The following TAF2 variants were observed in gnomAD, a reference collection of about 807,000 sequenced individuals.
TAF2 encodes transcription initiation factor TFIID subunit 2.
In TAF2, 61 loss-of-function variants were observed where a neutral mutation model predicts 138.5. That is an observed-to-expected ratio of 0.44 (90% CI 0.36 to 0.54). TAF2 has a LOEUF of 0.54. TAF2 is among the 20% of genes least tolerant of loss of function. The pLI is 0.00. For synonymous variants in TAF2, 475 were observed against 469.9 expected (o/e 1.01, Z -0.14); for missense variants, 1,090 against 1,427.9 (o/e 0.76, Z 3.81).
At chr8:119,789,240 A>G (rs1293420483) in intron 12 of TAF2, among the ~76,000 whole-genome samples, 2 of 152,146 alleles carry the variant, frequency 1.3e-5, no homozygotes, top group Non-Finnish European at 2.9e-5. Context: ...TCACATCCAC[A>G]AGTCACTAAA....
chr8:119,752,418 G>A (rs193145362), intron 22 of TAF2, among the ~76,000 whole-genome samples: 3 of 152,164 alleles, frequency 2.0e-5, no homozygotes, highest in African/African-American at 4.8e-5. Flanking sequence ...AGACCAGGCA[G>A]CCCTGAGATC....
At chr8:119,753,140 C>G (rs1563830284) in intron 22 of TAF2, among the ~76,000 whole-genome samples, 1 of 152,142 alleles carries the variant, frequency 6.6e-6, no homozygotes, top group African/African-American at 2.4e-5. Flanking sequence ...TTTCTTTCAA[C>G]TATAACTATA....
Position 119,766,356 on chromosome 8 carries a change from G to C in TAF2, c.2365-3748C>G, listed in dbSNP as rs115177204. Among the ~76,000 whole-genome samples the C allele has an allele frequency of 9.2e-3, 1,396 of 152,226 alleles. 20 individuals are homozygous for C. Among genetic ancestry groups the C allele is most frequent in the African/African-American group, 0.032 (1,331 of 41,526 alleles). On this transcript the variant is annotated intron_variant, in intron 18 of 25. Transcript: ENST00000378164. ...CTGCTAAACATGCTGCTGTGTACAG[G>C]ACAGCCCCACAACAAAGAATTATCC... is the stretch of plus-strand genomic sequence containing the variant.
At chr8:119,742,039 A>T (rs1395194964) in intron 25 of TAF2, among the ~76,000 whole-genome samples, 3 of 152,238 alleles carry the variant, frequency 2.0e-5, no homozygotes, top group African/African-American at 7.2e-5. Context: ...GAAATGATAT[A>T]AGAGAATATA....
intron 22 of TAF2, among the ~76,000 whole-genome samples, chr8:119,752,078 A>G (rs1445323582): frequency 6.6e-6 from 1 of 152,152 alleles, no homozygotes; most frequent in African/African-American, 2.4e-5. Flanking sequence ...ATATAAATAT[A>G]ATATAAAGAA....
Position 119,830,721 on chromosome 8 carries a change from A to C in TAF2, c.138+956T>G, listed in dbSNP as rs11993773. On this transcript the variant is annotated intron_variant, in intron 2 of 25. Transcript: ENST00000378164. ...TACATGGGTAACAAATCTGACAGAGAAGTTGATACCATCACTCAAGGAAAA... is the reference window on the plus strand; with the variant it reads ...TACATGGGTAACAAATCTGACAGAGCAGTTGATACCATCACTCAAGGAAAA... Among the ~76,000 whole-genome samples, 357 of 152,360 alleles carry C rather than the reference A, an allele frequency of 2.3e-3. 1 individual carries two copies. Among genetic ancestry groups the C allele is most frequent in the Middle Eastern group, 0.014 (4 of 294 alleles).
intron 25 of TAF2, among the ~76,000 whole-genome samples, chr8:119,738,708 G>T (rs1166436471): frequency 6.6e-6 from 1 of 152,118 alleles, no homozygotes; most frequent in African/African-American, 2.4e-5. Context: ...ATAGAAAGAG[G>T]TACTTAATGT....
intron 2 of TAF2, among the ~76,000 whole-genome samples, chr8:119,826,909 T>G (rs928114757): frequency 1.3e-5 from 2 of 152,166 alleles, no homozygotes; most frequent in African/African-American, 4.8e-5. Flanking sequence ...GATATGTTTT[T>G]CAGCCAGGTG....
At position 119,758,077 on chromosome 8, in the gene TAF2, C is replaced by T; in HGVS notation, c.2764G>A (p.Val922Ile). The change falls in exon 21 of 26, where the codon GTA (valine) becomes ATA (isoleucine). Residue 922 changes from valine to isoleucine, a missense_variant. Physicochemically the swap from Val to Ile is conservative, Grantham distance 29. This residue lies in a region of TAF2 where 580 missense variants were observed against 719.6 expected (regional missense o/e 0.81). Coordinates refer to ENST00000378164, the MANE Select transcript of TAF2 (RefSeq NM_003184.4). ...CATCATAGCACATAAACTAACCTTA[C>T]ATAGGGTACAGGGTCATTCTGAATC... ...NMIQNDPVPY[V>I]RHKILNMLTK... The T allele has an allele frequency of 6.2e-7, 1 of 1,612,978 alleles. No homozygotes were observed. Among genetic ancestry groups the T allele is most frequent in the South Asian group, 1.1e-5 (1 of 91,062 alleles).
intron 25 of TAF2, 66 bp from the exon 26 acceptor site, chr8:119,732,252 G>T: frequency 1.4e-6 from 2 of 1,459,444 alleles, no homozygotes; most frequent in Non-Finnish European, 1.9e-6. Context: ...TAAAGAAAGA[G>T]GAAGCTGATG....
At chr8:119,752,464 A>G (rs1308672600) in intron 22 of TAF2, among the ~76,000 whole-genome samples, 1 of 152,104 alleles carries the variant, frequency 6.6e-6, no homozygotes, top group Non-Finnish European at 1.5e-5. Context: ...CCTCTGGGAT[A>G]TGGTCACTAA....
intron 21 of TAF2, 110 bp downstream of exon 21, chr8:119,757,963 T>C: frequency 1.1e-6 from 1 of 887,562 alleles, no homozygotes; most frequent in South Asian, 1.4e-5. Flanking sequence ...ATGCAAAAGA[T>C]ATTCCCATAT....
At chr8:119,805,472 A>G (rs1272742384) in intron 4 of TAF2, among the ~76,000 whole-genome samples, 5 of 152,064 alleles carry the variant, frequency 3.3e-5, no homozygotes, top group Non-Finnish European at 7.4e-5. Flanking sequence ...TTGGGAGGCC[A>G]AGGAGGGTGG....
chr8:119,743,003 A>G (rs1220356082), intron 24 of TAF2, among the ~76,000 whole-genome samples: 1 of 152,058 alleles, frequency 6.6e-6, no homozygotes, highest in Non-Finnish European at 1.5e-5. Context: ...CGGGAGGCAA[A>G]GGCTGCAGTT....
Position 119,797,036 on chromosome 8 carries a change from A to T in TAF2, c.1045T>A (p.Ser349Thr). 1 of 1,613,422 alleles carries T rather than the reference A, an allele frequency of 6.2e-7. No homozygotes were observed. Among genetic ancestry groups the T allele is most frequent in the Non-Finnish European group, 8.5e-7 (1 of 1,179,566 alleles). ...TPLTRRCLAQ[S>T]LAQQFFGCFI... ...CAACCAAAAAACTGCTGGGCCAAGG[A>T]TTGGGCTAAACACCTTCTAGTCAAA... is the stretch of plus-strand genomic sequence containing the variant. Residue 349 changes from serine (S) to threonine (T), a missense_variant, in exon 8 of 26, where the codon TCC (serine) becomes ACC (threonine). Physicochemically the swap from Ser to Thr is moderately conservative, Grantham distance 58. Around this residue, in one of 3 missense-constraint regions of TAF2, gnomAD observed 504 missense variants for 680.9 expected, o/e 0.74. Transcript: ENST00000378164.
chr8:119,758,313 T>G (rs573066312), intron 20 of TAF2, among the ~76,000 whole-genome samples, 171 bp from the exon 21 acceptor site: 2 of 152,176 alleles, frequency 1.3e-5, no homozygotes, highest in Non-Finnish European at 2.9e-5. Flanking sequence ...ATGGCCACTT[T>G]GTAACTTTTA....
chr8:119,741,594 C>T (rs1455445155), intron 25 of TAF2, among the ~76,000 whole-genome samples: 2 of 152,184 alleles, frequency 1.3e-5, no homozygotes, highest in East Asian at 1.9e-4. Context: ...GGGGTCTCAA[C>T]ATCAAAACAG....
chr8:119,815,319 G>A (rs776486671), intron 3 of TAF2, among the ~76,000 whole-genome samples: 43 of 151,318 alleles, frequency 2.8e-4, no homozygotes, highest in Non-Finnish European at 4.6e-4. Context: ...CTGTCGCCCA[G>A]GCTGGAGGGC....
intron 25 of TAF2, among the ~76,000 whole-genome samples, chr8:119,739,630 T>C (rs141341026): frequency 6.6e-6 from 1 of 151,836 alleles, no homozygotes; most frequent in African/African-American, 2.4e-5. Flanking sequence ...TTCTCAATTA[T>C]CATCGGGCTC....
Sources: gnomAD v4.1 joint callset for allele counts (sites outside exome capture counted in the v4.1 genomes callset) on GRCh38, gnomAD v4.1.1 for gene constraint, gnomAD v4.1.1 regional missense constraint, MANE v1.5 for transcripts, NCBI Gene and HGNC (gene_info 2026-07-23, HGNC 2026-07-21) for gene names.